Variants in GPC6 observed in about 807,000 individuals in gnomAD.
GPC6 encodes the protein glypican 6.
Under a neutral mutation model 55.2 loss-of-function variants are expected in GPC6, and 14 were observed. The observed-to-expected ratio is 0.25, with a 90% CI of 0.17 to 0.40. The LOEUF is 0.40. Among genes scored for constraint, GPC6 ranks in the 10% least tolerant of loss-of-function variants. The pLI is 1.00. For missense variants in GPC6, 641 were observed against 708.5 expected (o/e 0.90, Z 1.08); for synonymous variants, 278 against 259.6 (o/e 1.07, Z -0.68).
chr13:94,119,115 A>G lies in GPC6; in HGVS notation c.877+91221A>G, dbSNP rs557761249. On this transcript the variant is annotated intron_variant, in intron 4 of 8. Coordinates refer to ENST00000377047, the MANE Select transcript of GPC6 (RefSeq NM_005708.5). ...TATGTATAAAATCAGAATTCTTGTT[A>G]ATATCCTCATATATTCACTCATTTA... Among the ~76,000 whole-genome samples the G allele has an allele frequency of 5.3e-5, 8 of 152,060 alleles. No individual in the cohort carries two copies. The South Asian group carries it at 1.7e-3, about 32-fold the overall frequency.
intron 2 of GPC6, among the ~76,000 whole-genome samples, chr13:93,633,631 G>A (rs1287601095): frequency 1.4e-5 from 2 of 141,730 alleles, no homozygotes; most frequent in Non-Finnish European, 1.6e-5. Context: ...GTGAGACTCT[G>A]TCTCAAATAA....
chr13:93,688,842 A>T (rs1882149848), intron 2 of GPC6, among the ~76,000 whole-genome samples: 1 of 152,012 alleles, frequency 6.6e-6, no homozygotes. Flanking sequence ...AGAAGTAGAT[A>T]GAAGTGATGG....
At chr13:93,531,182 C>G (rs1211274574) in intron 1 of GPC6, among the ~76,000 whole-genome samples, 1 of 151,758 alleles carries the variant, frequency 6.6e-6, no homozygotes, top group Admixed American at 6.6e-5. Context: ...CATGGAGTCC[C>G]AAGTGTCTGT....
At chr13:93,989,458 A>G (rs1440515795) in intron 3 of GPC6, among the ~76,000 whole-genome samples, 1 of 152,180 alleles carries the variant, frequency 6.6e-6, no homozygotes, top group Non-Finnish European at 1.5e-5. Flanking sequence ...GAACCTCAAG[A>G]AGAACTCATG....
rs775021412 is a variant in GPC6, at chr13:93,999,215, GT to G, written c.712-28512del. Among the ~76,000 whole-genome samples the G allele has an allele frequency of 1.1e-3, 167 of 152,154 alleles. 1 individual carries two copies. The highest frequency in any genetic ancestry group is 1.8e-3 in the Non-Finnish European group (120 of 67,984). On this transcript the variant is annotated intron_variant, in intron 3 of 8. Transcript: ENST00000377047. Reference sequence around the variant, plus strand: ...CCCTCGACAGGCCCTGGTGTGTGATGTTCCCCTCCCTGTGTCCATGTGTTCT... The same window carrying G: ...CCCTCGACAGGCCCTGGTGTGTGATGTCCCCTCCCTGTGTCCATGTGTTCT...
chr13:93,895,126 A>G (rs1411936204), intron 3 of GPC6, among the ~76,000 whole-genome samples: 3 of 149,394 alleles, frequency 2.0e-5, no homozygotes, highest in East Asian at 2.0e-4. Context: ...CTAAGTCCAT[A>G]TATGTCTATA....
intron 4 of GPC6, among the ~76,000 whole-genome samples, chr13:94,179,152 A>T (rs969710897): frequency 6.6e-6 from 1 of 152,216 alleles, no homozygotes; most frequent in Non-Finnish European, 1.5e-5. Context: ...CATCATCTCC[A>T]GTATCCTCAC....
intron 4 of GPC6, among the ~76,000 whole-genome samples, chr13:94,179,014 A>G (rs940131583): frequency 6.6e-6 from 1 of 152,138 alleles, no homozygotes; most frequent in African/African-American, 2.4e-5. Context: ...GAAGCCTGTT[A>G]CAAGATACAC....
At chr13:94,384,497 C>T (rs1212936246) in intron 7 of GPC6, among the ~76,000 whole-genome samples, 4 of 152,174 alleles carry the variant, frequency 2.6e-5, no homozygotes, top group East Asian at 3.8e-4. Flanking sequence ...CACAGATTGT[C>T]ACACAGGTTG....
intron 1 of GPC6, among the ~76,000 whole-genome samples, chr13:93,443,264 T>C (rs1374422086): frequency 6.6e-6 from 1 of 152,216 alleles, no homozygotes. Context: ...ATATTTGATG[T>C]ATGGAGTCAC....
chr13:93,933,088 C>G (rs1427236376), intron 3 of GPC6, among the ~76,000 whole-genome samples: 2 of 145,370 alleles, frequency 1.4e-5, no homozygotes, highest in Non-Finnish European at 3.0e-5. Context: ...TCTCATCAAT[C>G]TTTCCTCTTG....
At chr13:93,252,209 C>G (rs530049651) in intron 1 of GPC6, among the ~76,000 whole-genome samples, 1 of 152,296 alleles carries the variant, frequency 6.6e-6, no homozygotes, top group South Asian at 2.1e-4. Flanking sequence ...TTCTCTGGAC[C>G]ACACTTTGAG....
chr13:94,095,818 G>A (rs552217411), intron 4 of GPC6, among the ~76,000 whole-genome samples: 5 of 152,204 alleles, frequency 3.3e-5, no homozygotes, highest in Admixed American at 2.0e-4. Context: ...AAGAAAAGTC[G>A]ACCTATTATG....
At chr13:93,800,140 G>C (rs531186341) in intron 2 of GPC6, among the ~76,000 whole-genome samples, 2 of 152,272 alleles carry the variant, frequency 1.3e-5, no homozygotes, top group East Asian at 1.9e-4. Context: ...GAAGATACTA[G>C]AAAGGCCTCT....
At chr13:94,123,111 CT>C (rs1277276239) in intron 4 of GPC6, among the ~76,000 whole-genome samples, 4 of 151,870 alleles carry the variant, frequency 2.6e-5, no homozygotes, top group Non-Finnish European at 5.9e-5. Context: ...TGTCATAAAT[CT>C]TTTCAAAATG....
intron 4 of GPC6, among the ~76,000 whole-genome samples, chr13:94,114,808 G>A (rs1566424737): frequency 6.6e-6 from 1 of 152,084 alleles, no homozygotes; most frequent in East Asian, 1.9e-4. Context: ...TAGAAGCCAA[G>A]CTTAATGCTT....
chr13:94,286,580 T>C (rs926605698), intron 5 of GPC6, 101 bp downstream of exon 5: 10 of 1,036,416 alleles, frequency 9.6e-6, no homozygotes, highest in Non-Finnish European at 1.5e-5. Context: ...TTATAAATTC[T>C]AATATGCTGT....
At chr13:93,703,710 A>G (rs1470443908) in intron 2 of GPC6, among the ~76,000 whole-genome samples, 1 of 152,016 alleles carries the variant, frequency 6.6e-6, no homozygotes, top group Non-Finnish European at 1.5e-5. Flanking sequence ...GGTAAATGCT[A>G]TAGCACTTTT....
At chr13:93,507,852 C>A (rs1880796276) in intron 1 of GPC6, among the ~76,000 whole-genome samples, 1 of 151,362 alleles carries the variant, frequency 6.6e-6, no homozygotes, top group Non-Finnish European at 1.5e-5. Flanking sequence ...TTGTCTCTAC[C>A]AACTACTGTG....
Sources: allele counts gnomAD v4.1 joint callset (sites outside exome capture counted in the v4.1 genomes callset), GRCh38; gene constraint gnomAD v4.1.1; transcripts MANE v1.5; gene names NCBI Gene and HGNC (gene_info 2026-07-23, HGNC 2026-07-21).